AHCYL2: variants seen among roughly 807,000 people sequenced by gnomAD.
AHCYL2 encodes the protein adenosylhomocysteinase like 2.
Under a neutral mutation model 81.4 loss-of-function variants are expected in AHCYL2, and 28 were observed. That is an observed-to-expected ratio of 0.34 (90% CI 0.25 to 0.47). The LOEUF (loss-of-function observed/expected upper bound fraction) is 0.47, where lower values mean the gene tolerates loss of function less well. Ranked by LOEUF, AHCYL2 falls within the 20% of genes least tolerant of loss-of-function variation. The pLI, the probability that AHCYL2 is intolerant of heterozygous loss-of-function variation, is 1.00. For synonymous variants in AHCYL2, 272 were observed against 290.2 expected (o/e 0.94, Z 0.64); for missense variants, 551 against 785.1 (o/e 0.70, Z 3.56).
intron 1 of AHCYL2, among the ~76,000 whole-genome samples, chr7:129,304,003 C>T (rs1797339504): frequency 6.6e-6 from 1 of 152,124 alleles, no homozygotes; most frequent in Admixed American, 6.5e-5. Flanking sequence ...GCAAGACTCA[C>T]TTGAACCTGG....
intron 1 of AHCYL2, among the ~76,000 whole-genome samples, chr7:129,251,726 A>C (rs1472881051): frequency 6.6e-6 from 1 of 152,150 alleles, no homozygotes; most frequent in Non-Finnish European, 1.5e-5. Context: ...AGTAAGCATC[A>C]TCTGTTTTTC....
intron 5 of AHCYL2, among the ~76,000 whole-genome samples, chr7:129,398,958 A>G (rs1394818388): frequency 6.6e-6 from 1 of 151,938 alleles, no homozygotes; most frequent in African/African-American, 2.4e-5. Flanking sequence ...CGTGGCCAAC[A>G]TGGTGAAACC....
chr7:129,258,257 GA>G (rs34015816), intron 1 of AHCYL2, among the ~76,000 whole-genome samples: 35,568 of 140,514 alleles, frequency 0.25, 4,445 homozygotes, highest in East Asian at 0.4. Context: ...CCTTTAAAAG[GA>G]AAAAAAAAAA....
At position 129,271,205 on chromosome 7, in the gene AHCYL2, C is replaced by CA. The variant is rs374941776; in HGVS notation, c.363+45772dup. Among the ~76,000 whole-genome samples, 765 of 151,300 alleles carry CA rather than the reference C, an allele frequency of 5.1e-3. 11 individuals are homozygous for CA. Among genetic ancestry groups the CA allele is most frequent in the African/African-American group, 0.018 (731 of 41,216 alleles). On this transcript the variant is annotated intron_variant, in intron 1 of 16. Coordinates refer to ENST00000325006, the MANE Select transcript of AHCYL2 (RefSeq NM_015328.4). ...TGAAATCCCGTTTCTACTAAAAATA[C>CA]AAAAAATTAGCTGGGCGTGGTGGCA... is the stretch of plus-strand genomic sequence containing the variant.
At chr7:129,317,127 G>T (rs773728138) in intron 1 of AHCYL2, among the ~76,000 whole-genome samples, 1 of 152,166 alleles carries the variant, frequency 6.6e-6, no homozygotes, top group Non-Finnish European at 1.5e-5. Flanking sequence ...ATTTTCAAGT[G>T]AAATGGCCAA....
In AHCYL2 at chr7:129,428,828, T is replaced by G. The variant is rs1483982030; in HGVS notation, c.*1783T>G. The G allele has an allele frequency of 6.6e-6, 1 of 152,216 alleles. No homozygotes were observed. The highest frequency in any genetic ancestry group is 2.4e-5 in the African/African-American group (1 of 41,456). 9.4% of individuals were successfully genotyped at this position (152,216 alleles called of 1,614,324 possible). ...AGACTACAGTTCTTCAGAGGCCATA[T>G]GTCTCAGCAAGTACTGGTTATATTC... On this transcript the variant is annotated 3_prime_UTR_variant, in exon 17 of 17. Coordinates refer to ENST00000325006, the MANE Select transcript of AHCYL2 (RefSeq NM_015328.4).
intron 10 of AHCYL2, 85 bp from the exon 11 acceptor site, chr7:129,409,391 A>C: frequency 1.0e-6 from 1 of 972,802 alleles, no homozygotes; most frequent in South Asian, 1.5e-5. Flanking sequence ...AAATGACAGC[A>C]ACTTGATATT....
intron 1 of AHCYL2, among the ~76,000 whole-genome samples, chr7:129,329,485 G>A (rs1234728647): frequency 6.6e-6 from 1 of 152,106 alleles, no homozygotes; most frequent in Non-Finnish European, 1.5e-5. Flanking sequence ...CACCATGCCT[G>A]GTCTATTAAT....
At chr7:129,372,185 A>G (rs1299218222) in intron 1 of AHCYL2, among the ~76,000 whole-genome samples, 1 of 152,242 alleles carries the variant, frequency 6.6e-6, no homozygotes, top group Non-Finnish European at 1.5e-5. Context: ...CTTGCATATC[A>G]ATATGTAGTT....
At chr7:129,317,788 C>A (rs1308301120) in intron 1 of AHCYL2, among the ~76,000 whole-genome samples, 1 of 152,204 alleles carries the variant, frequency 6.6e-6, no homozygotes, top group Non-Finnish European at 1.5e-5. Context: ...CTTATTTATT[C>A]ATTTCATGAC....
intron 1 of AHCYL2, among the ~76,000 whole-genome samples, chr7:129,366,154 C>T (rs921562357): frequency 2.0e-5 from 3 of 152,114 alleles, no homozygotes; most frequent in Admixed American, 2.0e-4. Context: ...CGCCTCAACT[C>T]CATAGCTCCT....
intron 1 of AHCYL2, chr7:129,375,527 T>C (rs1794637548): frequency 1.2e-6 from 1 of 829,278 alleles, no homozygotes; most frequent in Non-Finnish European, 1.5e-6. Flanking sequence ...GCTATTGTTA[T>C]GCGCATGCAA....
In AHCYL2 at chr7:129,225,265, C is replaced by T. The variant is rs1166684616; in HGVS notation, c.189C>T (p.Pro63=). ...CCGCCGCGGAGCGGCCCCCGGTCCC[C>T]GGCCCGGGCTCGGGGCCCGCCGCCG... ...PAPAAERPPV[P]GPGSGPAAAL... is the part of the protein sequence containing the mutation. The change falls in exon 1 of 17, where the codon CCC becomes CCT. Residue 63 remains proline, a synonymous_variant. Coordinates refer to ENST00000325006, the MANE Select transcript of AHCYL2 (RefSeq NM_015328.4). 6.9e-7 allele frequency: 1 copy of T among 1,453,466 alleles called. No individual in the cohort carries two copies. The allele number at this position is 1,453,466 out of a possible 1,614,324, so 90.0% of individuals were successfully genotyped here.
At chr7:129,326,543 A>AAACC (rs1404442828) in intron 1 of AHCYL2, among the ~76,000 whole-genome samples, 3 of 151,916 alleles carry the variant, frequency 2.0e-5, no homozygotes, top group Non-Finnish European at 4.4e-5. Context: ...ACAAACAAAC[A>AAACC]AACAAAAATC....
chr7:129,305,975 C>G (rs948044863), intron 1 of AHCYL2, among the ~76,000 whole-genome samples: 1 of 152,148 alleles, frequency 6.6e-6, no homozygotes, highest in Non-Finnish European at 1.5e-5. Flanking sequence ...GTATTTGGAG[C>G]TCCATTGTAT....
At chr7:129,341,346 C>T (rs1793171248) in intron 1 of AHCYL2, among the ~76,000 whole-genome samples, 1 of 152,130 alleles carries the variant, frequency 6.6e-6, no homozygotes, top group South Asian at 2.1e-4. Context: ...CTCTCAGTGC[C>T]ATCCTTTCTC....
intron 1 of AHCYL2, among the ~76,000 whole-genome samples, chr7:129,233,665 G>T (rs150643472): frequency 3.3e-3 from 507 of 152,098 alleles, no homozygotes; most frequent in African/African-American, 0.012. Context: ...TTTTTGTATT[G>T]TTAGTAGAGA....
At chr7:129,357,929 A>C (rs542160414) in intron 1 of AHCYL2, among the ~76,000 whole-genome samples, 1 of 146,480 alleles carries the variant, frequency 6.8e-6, no homozygotes. Context: ...GCGAGACTCC[A>C]TCTCAAAAAA....
At chr7:129,418,998 G>A (rs1046822540) in intron 12 of AHCYL2, among the ~76,000 whole-genome samples, 2 of 152,186 alleles carry the variant, frequency 1.3e-5, no homozygotes, top group South Asian at 4.1e-4. Flanking sequence ...AGAATGATTT[G>A]GTAAGTATCG....
Sources: gnomAD v4.1 joint callset for allele counts (sites outside exome capture counted in the v4.1 genomes callset) on GRCh38, gnomAD v4.1.1 for gene constraint, MANE v1.5 for transcripts, NCBI Gene and HGNC (gene_info 2026-07-23, HGNC 2026-07-21) for gene names.